PDE7B: variants seen among roughly 807,000 people sequenced by gnomAD.
PDE7B encodes the protein 3',5'-cyclic-AMP phosphodiesterase 7B.
Under a neutral mutation model 56.2 loss-of-function variants are expected in PDE7B, and 29 were observed. The observed-to-expected ratio is 0.52, with a 90% CI of 0.38 to 0.70. The LOEUF (loss-of-function observed/expected upper bound fraction) is 0.70. PDE7B is among the 30% of genes least tolerant of loss of function. The probability of loss-of-function intolerance (pLI) is 0.00; values close to 1 mark genes in which losing one functional copy is unlikely to be tolerated. For synonymous variants in PDE7B, 197 were observed against 196.9 expected, an observed-to-expected ratio of 1.00 and a Z score of 0.00; for missense variants, 490 against 565.0, an observed-to-expected ratio of 0.87 and a Z score of 1.35.
chr6:135,934,324 C>T lies in PDE7B; in HGVS notation c.22-13140C>T, dbSNP rs1225302505. ...ACTAATGAGATAGAATATAGGTATT[C>T]CCTCCATTTACAGGATACGTACTCT... On this transcript the variant is annotated intron_variant, in intron 1 of 12. Transcript: ENST00000308191. Among the ~76,000 whole-genome samples, 3 of 152,026 alleles carry T rather than the reference C, an allele frequency of 2.0e-5. No individual in the cohort carries two copies. In the East Asian group the frequency reaches 5.8e-4, roughly 29 times the overall value.
intron 1 of PDE7B, among the ~76,000 whole-genome samples, chr6:135,879,208 A>C (rs749899465): frequency 1.1e-4 from 16 of 152,264 alleles, no homozygotes; most frequent in Admixed American, 2.0e-4. Context: ...GAGATGAATA[A>C]GAAGCCTTTT....
At chr6:135,982,448 G>C (rs908470382) in intron 2 of PDE7B, among the ~76,000 whole-genome samples, 1 of 152,032 alleles carries the variant, frequency 6.6e-6, no homozygotes, top group Admixed American at 6.6e-5. Flanking sequence ...TCCAAACACA[G>C]GGAGAGAATC....
intron 2 of PDE7B, among the ~76,000 whole-genome samples, chr6:136,004,685 T>C (rs1349262841): frequency 1.3e-5 from 2 of 152,072 alleles, no homozygotes; most frequent in Non-Finnish European, 2.9e-5. Context: ...TACAAACCAC[T>C]GCTCAAGGAA....
chr6:135,952,649 A>G (rs1020194301), intron 2 of PDE7B, among the ~76,000 whole-genome samples: 2 of 152,190 alleles, frequency 1.3e-5, no homozygotes, highest in African/African-American at 4.8e-5. Context: ...GTGAAGACTC[A>G]TCTATCTAGA....
At chr6:136,159,910 AC>A (rs1191103545) in intron 8 of PDE7B, among the ~76,000 whole-genome samples, 1 of 152,170 alleles carries the variant, frequency 6.6e-6, no homozygotes, top group African/African-American at 2.4e-5. Flanking sequence ...TTTGCCAAAT[AC>A]CCTCTTGACT....
chr6:136,182,461 A>G (rs988193887), intron 11 of PDE7B, among the ~76,000 whole-genome samples: 3 of 152,230 alleles, frequency 2.0e-5, no homozygotes, highest in Non-Finnish European at 4.4e-5. Context: ...ACTGTTTGAT[A>G]TGTTGAATAT....
rs552403328 is a variant in PDE7B at position 135,949,314 on chromosome 6, A to G, written c.82+1790A>G. On this transcript the variant is annotated intron_variant, in intron 2 of 12. Coordinates refer to ENST00000308191, the MANE Select transcript of PDE7B (RefSeq NM_018945.4). ...TGATTAGTTTATAGCTAGAACAGTA[A>G]GAGACTTTCTACTACTGCCTATAGA... Among the ~76,000 whole-genome samples, 4 of 152,182 alleles carry G rather than the reference A, an allele frequency of 2.6e-5. No homozygotes were observed. In the East Asian group the frequency reaches 7.7e-4, roughly 29 times the overall value.
chr6:135,907,422 T>C (rs989607654), intron 1 of PDE7B, among the ~76,000 whole-genome samples: 1 of 152,116 alleles, frequency 6.6e-6, no homozygotes, highest in East Asian at 1.9e-4. Context: ...ATCAGGCCTC[T>C]TCCAGTTTCT....
At chr6:135,893,161 G>T (rs553131843) in intron 1 of PDE7B, among the ~76,000 whole-genome samples, 1 of 151,762 alleles carries the variant, frequency 6.6e-6, no homozygotes, top group South Asian at 2.1e-4. Context: ...TTGGTGTGCT[G>T]CACCCATTAA....
chr6:135,885,230 TATCATGATGCCTCATAAAGCCTGTC>T (rs1262509568), intron 1 of PDE7B, among the ~76,000 whole-genome samples: 2 of 152,200 alleles, frequency 1.3e-5, no homozygotes, highest in African/African-American at 4.8e-5. Flanking sequence ...TAAAGCCTGT[TATCATGATGCCTCATAAAGCCTGTC>T]ATCATGATGC....
intron 2 of PDE7B, among the ~76,000 whole-genome samples, chr6:136,015,767 A>T (rs1428214447): frequency 6.6e-6 from 1 of 152,094 alleles, no homozygotes; most frequent in African/African-American, 2.4e-5. Flanking sequence ...GGTTTTTGGC[A>T]TTTTCATCTT....
chr6:136,141,955 T>C (rs1355416263), intron 3 of PDE7B, among the ~76,000 whole-genome samples: 4 of 152,148 alleles, frequency 2.6e-5, no homozygotes, highest in Non-Finnish European at 5.9e-5. Context: ...TCTGTTTCCT[T>C]CAGTTCTGCT....
intron 2 of PDE7B, among the ~76,000 whole-genome samples, chr6:135,991,397 C>T (rs1386217394): frequency 7.8e-6 from 1 of 128,170 alleles, no homozygotes; most frequent in Non-Finnish European, 1.6e-5. Flanking sequence ...TCACGTTGTA[C>T]ACCACAAATG....
intron 2 of PDE7B, chr6:136,094,716 C>G (rs1166500895): frequency 6.6e-6 from 1 of 152,190 alleles, no homozygotes; most frequent in Non-Finnish European, 1.5e-5. Flanking sequence ...ATCTCAGTCC[C>G]ACAGGGGCAG....
At chr6:136,109,295 C>T (rs1353330760) in intron 3 of PDE7B, among the ~76,000 whole-genome samples, 2 of 152,172 alleles carry the variant, frequency 1.3e-5, no homozygotes, top group Non-Finnish European at 2.9e-5. Context: ...GCCAGGATTG[C>T]ACCACTGCCT....
chr6:136,193,537 A>C lies in PDE7B; in HGVS notation c.*1697A>C, dbSNP rs1228561578. On this transcript the variant is annotated 3_prime_UTR_variant, in exon 13 of 13. Coordinates refer to ENST00000308191, the MANE Select transcript of PDE7B (RefSeq NM_018945.4). ...TACAGCATTCTTCTCTAGGCTGCTA[A>C]ACGCTGTGCATTGAACCTTTTCTTT... The C allele has an allele frequency of 1.3e-5, 2 of 152,242 alleles. No homozygotes were observed. The highest frequency in any genetic ancestry group is 4.8e-5 in the African/African-American group (2 of 41,448). The allele number at this position is 152,242 out of a possible 1,614,324, so 9.4% of individuals were successfully genotyped here. A position where few individuals can be genotyped will look rare whatever the true frequency, so the allele number is the denominator to read the frequency against.
At chr6:135,967,201 G>A (rs191981027) in intron 2 of PDE7B, among the ~76,000 whole-genome samples, 4 of 152,178 alleles carry the variant, frequency 2.6e-5, no homozygotes, top group African/African-American at 9.6e-5. Flanking sequence ...TTATGTCCTG[G>A]CTCCTTCCCC....
intron 9 of PDE7B, among the ~76,000 whole-genome samples, chr6:136,178,654 C>T (rs1779017512): frequency 6.6e-6 from 1 of 152,198 alleles, no homozygotes; most frequent in African/African-American, 2.4e-5. Flanking sequence ...TCTAAAAACA[C>T]ACCGCCAATC....
At chr6:135,903,575 C>T (rs529588219) in intron 1 of PDE7B, among the ~76,000 whole-genome samples, 18 of 152,298 alleles carry the variant, frequency 1.2e-4, no homozygotes, top group Admixed American at 9.8e-4. Context: ...CTATAGTATT[C>T]TACTTTAGTC....
Sources: allele counts gnomAD v4.1 joint callset (sites outside exome capture counted in the v4.1 genomes callset), GRCh38; gene constraint gnomAD v4.1.1; transcripts MANE v1.5; gene names NCBI Gene and HGNC (gene_info 2026-07-23, HGNC 2026-07-21).